The following DNAH7 variants were observed in gnomAD, a reference collection of about 807,000 sequenced individuals.
The protein encoded by DNAH7 is axonemal beta dynein heavy chain 7.
Under a neutral mutation model 444.6 loss-of-function variants are expected in DNAH7, and 397 were observed. That is an observed-to-expected ratio of 0.89 (90% CI 0.82 to 0.97). The LOEUF (loss-of-function observed/expected upper bound fraction) is 0.97. Ranked by LOEUF, DNAH7 falls within the 50% of genes least tolerant of loss-of-function variation. DNAH7 has a pLI of 0.00. For synonymous variants in DNAH7, 1,636 were observed against 1,624.4 expected (o/e 1.01, Z -0.17); for missense variants, 4,902 against 4,800.8 (o/e 1.02, Z -0.62).
intron 46 of DNAH7, among the ~76,000 whole-genome samples, chr2:195,851,830 G>A (rs1263818490): frequency 6.6e-6 from 1 of 152,194 alleles, no homozygotes; most frequent in Non-Finnish European, 1.5e-5. Flanking sequence ...GGTAAGGGTG[G>A]CTGAAGCTAC....
chr2:196,045,179 G>A (rs1026687832), intron 5 of DNAH7, among the ~76,000 whole-genome samples: 11 of 145,478 alleles, frequency 7.6e-5, no homozygotes, highest in African/African-American at 2.8e-4. Context: ...GGAGGAGGAA[G>A]AGAAGAGGAG....
chr2:196,040,485 T>C (rs1696670672), intron 5 of DNAH7, among the ~76,000 whole-genome samples: 1 of 152,166 alleles, frequency 6.6e-6, no homozygotes, highest in South Asian at 2.1e-4. Context: ...TACAATCATC[T>C]TAATAGATGT....
chr2:196,017,421 T>A (rs1238318067), intron 9 of DNAH7, among the ~76,000 whole-genome samples: 2 of 152,120 alleles, frequency 1.3e-5, no homozygotes, highest in African/African-American at 4.8e-5. Flanking sequence ...CATCTTTCTT[T>A]TGAATTAAAT....
chr2:196,009,691 A>G (rs185350669), intron 10 of DNAH7, among the ~76,000 whole-genome samples: 235 of 152,362 alleles, frequency 1.5e-3, no homozygotes, highest in African/African-American at 5.3e-3. Flanking sequence ...AAAGCTTTGC[A>G]TAGCAAAGGA....
intron 1 of DNAH7, among the ~76,000 whole-genome samples, chr2:196,068,103 A>C (rs1207538941): frequency 6.6e-6 from 1 of 152,280 alleles, no homozygotes; most frequent in East Asian, 1.9e-4. Context: ...TGCATCTTTT[A>C]TCACATACCA....
intron 17 of DNAH7, among the ~76,000 whole-genome samples, chr2:195,962,325 G>A (rs534762536): frequency 6.6e-6 from 1 of 152,290 alleles, no homozygotes; most frequent in Admixed American, 6.5e-5. Flanking sequence ...TATCCTTCGT[G>A]TTATAAACAA....
rs1695208403 is a variant in DNAH7 at position 196,019,106 on chromosome 2, T to C, written c.869+64A>G. The C allele has an allele frequency of 2.2e-6, 3 of 1,340,318 alleles. No individual in the cohort carries two copies. The South Asian group carries it at 6.9e-5, about 31-fold the overall frequency. The allele number at this position is 1,340,318 out of a possible 1,614,324, so 83.0% of individuals were successfully genotyped here. A position where few individuals can be genotyped will look rare whatever the true frequency, so the allele number is the denominator to read the frequency against. ...CAGTTAAAATAGTAAAAGAAATAAT[T>C]AAGATATAGTAAAACAACTTCCCTC... On this transcript the variant is annotated intron_variant, in intron 9 of 64. Coordinates refer to ENST00000312428, the MANE Select transcript of DNAH7 (RefSeq NM_018897.3).
chr2:195,852,091 T>C (rs374624314), intron 46 of DNAH7, among the ~76,000 whole-genome samples: 4 of 152,144 alleles, frequency 2.6e-5, no homozygotes, highest in African/African-American at 9.6e-5. Flanking sequence ...ACCCCGTCTC[T>C]ACTAAAAATA....
At chr2:195,861,412 A>G (rs552594807) in intron 42 of DNAH7, among the ~76,000 whole-genome samples, 1 of 152,302 alleles carries the variant, frequency 6.6e-6, no homozygotes, top group South Asian at 2.1e-4. Flanking sequence ...CTATTACCCA[A>G]TTATTTATCA....
At chr2:195,785,117 TAGTC>T (rs899993469) in intron 58 of DNAH7, among the ~76,000 whole-genome samples, 48 of 152,264 alleles carry the variant, frequency 3.2e-4, no homozygotes, top group African/African-American at 1.0e-3. Context: ...TTCACCGTGT[TAGTC>T]AGGATGATCT....
intron 15 of DNAH7, among the ~76,000 whole-genome samples, chr2:195,975,544 G>A (rs1459715493): frequency 6.6e-6 from 1 of 152,054 alleles, no homozygotes; most frequent in Non-Finnish European, 1.5e-5. Flanking sequence ...TGTGGGGTCA[G>A]AGCCAGTGGG....
At chr2:195,785,047 G>A (rs1695550380) in intron 58 of DNAH7, among the ~76,000 whole-genome samples, 1 of 151,990 alleles carries the variant, frequency 6.6e-6, no homozygotes, top group Non-Finnish European at 1.5e-5. Flanking sequence ...GAGTAGCTGG[G>A]ACTACAGGCT....
At chr2:195,941,309 G>C (rs1286653525) in intron 19 of DNAH7, among the ~76,000 whole-genome samples, 2 of 152,052 alleles carry the variant, frequency 1.3e-5, no homozygotes, top group Admixed American at 6.6e-5. Context: ...CTCATAAACG[G>C]GAGTTGAACA....
At chr2:195,888,138 C>T (rs892263397) in intron 33 of DNAH7, 120 bp downstream of exon 33, 7 of 819,086 alleles carry the variant, frequency 8.5e-6, no homozygotes, top group Non-Finnish European at 1.3e-5. Context: ...TTAATTTAAT[C>T]AAAAAGGTTT....
intron 8 of DNAH7, among the ~76,000 whole-genome samples, chr2:196,022,767 C>T (rs1695457467): frequency 6.6e-6 from 1 of 152,188 alleles, no homozygotes; most frequent in Non-Finnish European, 1.5e-5. Context: ...GTATGAATCA[C>T]AAATTTTCTT....
intron 1 of DNAH7, chr2:196,063,491 T>C (rs1698246880): frequency 6.6e-6 from 1 of 152,202 alleles, no homozygotes; most frequent in South Asian, 2.1e-4. Flanking sequence ...TAGAACAGCT[T>C]CTAACAGTTG....
At chr2:195,937,359 C>T (rs946640467) in intron 19 of DNAH7, among the ~76,000 whole-genome samples, 1 of 152,100 alleles carries the variant, frequency 6.6e-6, no homozygotes, top group Non-Finnish European at 1.5e-5. Context: ...GACTGAAGTT[C>T]AAGGTGTGCT....
chr2:195,744,107 A>G lies in DNAH7; in HGVS notation c.11765-3238T>C, dbSNP rs1345035294. Among the ~76,000 whole-genome samples, 4 of 152,340 alleles carry G rather than the reference A, an allele frequency of 2.6e-5. No individual in the cohort carries two copies. In the East Asian group the frequency reaches 7.7e-4, roughly 29 times the overall value. On this transcript the variant is annotated intron_variant, in intron 63 of 64. Coordinates refer to ENST00000312428, the MANE Select transcript of DNAH7 (RefSeq NM_018897.3). ...AAGGGGTCAGGGAGTTCCCTTTCCTAGTCAAAGAAAGGGGTGACAGACACC... is the reference window on the plus strand; with the variant it reads ...AAGGGGTCAGGGAGTTCCCTTTCCTGGTCAAAGAAAGGGGTGACAGACACC...
intron 63 of DNAH7, among the ~76,000 whole-genome samples, chr2:195,749,725 C>T (rs568696544): frequency 1.2e-4 from 18 of 151,216 alleles, no homozygotes; most frequent in Non-Finnish European, 2.5e-4. Context: ...AGTAAACTAT[C>T]GCAAGAACAA....
Sources: allele counts gnomAD v4.1 joint callset (sites outside exome capture counted in the v4.1 genomes callset), GRCh38; gene constraint gnomAD v4.1.1; transcripts MANE v1.5; gene names NCBI Gene and HGNC (gene_info 2026-07-23, HGNC 2026-07-21).